The following UNC79 variants were observed in gnomAD, a reference collection of about 807,000 sequenced individuals.
UNC79 encodes protein unc-79 homolog.
In UNC79, 37 loss-of-function variants were observed where a neutral mutation model predicts 283.1. The observed-to-expected ratio is 0.13, with a 90% confidence interval of 0.10 to 0.17. The LOEUF (loss-of-function observed/expected upper bound fraction) is 0.17. Among genes scored for constraint, UNC79 ranks in the 10% least tolerant of loss-of-function variants. The pLI, the probability that UNC79 is intolerant of heterozygous loss-of-function variation, is 1.00. For synonymous variants in UNC79, 1,107 were observed against 1,200.2 expected, an observed-to-expected ratio of 0.92 and a Z score of 1.61; for missense variants, 2,272 against 3,211.1, an observed-to-expected ratio of 0.71 and a Z score of 7.07.
chr14:93,604,775 T>C (rs973039484), intron 26 of UNC79, 121 bp from the exon 27 acceptor site: 24 of 1,040,574 alleles, frequency 2.3e-5, no homozygotes, highest in African/African-American at 3.2e-5. Context: ...TTATGTGATG[T>C]TAATTCAAAT....
At chr14:93,547,535 C>T (rs981184596) in intron 14 of UNC79, among the ~76,000 whole-genome samples, 2 of 152,138 alleles carry the variant, frequency 1.3e-5, no homozygotes, top group Non-Finnish European at 2.9e-5. Flanking sequence ...CACTGTGAAA[C>T]AATTCTTAGT....
exon 19 of UNC79, chr14:93,580,238 C>A (rs1475270422): frequency 1.9e-6 from 3 of 1,614,036 alleles, no homozygotes; most frequent in Non-Finnish European, 1.7e-6. Context: ...TCTTCCAAGC[C>A]CCCTGGGGGG....
intron 1 of UNC79, among the ~76,000 whole-genome samples, chr14:93,460,861 C>A (rs796648257): frequency 3.3e-5 from 5 of 151,866 alleles, no homozygotes; most frequent in Admixed American, 3.3e-4. Flanking sequence ...TCTGTCTCTA[C>A]AAAAAATAAA....
intron 1 of UNC79, among the ~76,000 whole-genome samples, chr14:93,443,424 C>CT (rs144182882): frequency 0.68 from 94,418 of 138,642 alleles, 32,542 homozygotes; most frequent in Middle Eastern, 0.77. Context: ...TGTCTGACTT[C>CT]TTTTTTTTTT....
chr14:93,486,553 C>T (rs1255819814), intron 4 of UNC79, among the ~76,000 whole-genome samples: 1 of 151,162 alleles, frequency 6.6e-6, no homozygotes, highest in African/African-American at 2.4e-5. Context: ...ACTCGGGAGG[C>T]CGAGGCAGGA....
At chr14:93,366,866 C>T (rs1439509865) in intron 1 of UNC79, among the ~76,000 whole-genome samples, 1 of 152,142 alleles carries the variant, frequency 6.6e-6, no homozygotes, top group East Asian at 1.9e-4. Context: ...AGCCACCGTG[C>T]CCAGCCTTTC....
chr14:93,666,475 T>G (rs2072215746), intron 40 of UNC79, among the ~76,000 whole-genome samples: 1 of 152,064 alleles, frequency 6.6e-6, no homozygotes. Context: ...AAAGCTGAAG[T>G]TAGTCAACTG....
At chr14:93,409,666 T>C in intron 1 of UNC79, among the ~76,000 whole-genome samples, 1 of 152,104 alleles carries the variant, frequency 6.6e-6, no homozygotes, top group East Asian at 1.9e-4. Context: ...ACAGCCTGGG[T>C]GACAGAGCAA....
At chr14:93,578,861 A>C (rs1021647777) in intron 18 of UNC79, among the ~76,000 whole-genome samples, 2 of 152,238 alleles carry the variant, frequency 1.3e-5, no homozygotes, top group Non-Finnish European at 2.9e-5. Context: ...GGCTTTGATT[A>C]AGGAACAATC....
intron 1 of UNC79, among the ~76,000 whole-genome samples, chr14:93,440,543 A>T (rs8009085): frequency 0.13 from 17,158 of 135,580 alleles, 1,173 homozygotes; most frequent in African/African-American, 0.21. Flanking sequence ...TTTTTTTTTT[A>T]AATTTTTATT....
intron 31 of UNC79, among the ~76,000 whole-genome samples, chr14:93,632,697 A>G (rs1330715698): frequency 2.0e-5 from 3 of 152,170 alleles, no homozygotes; most frequent in Admixed American, 2.0e-4. Flanking sequence ...CAAAAAAAAA[A>G]AAATGAAGAA....
chr14:93,580,150 T>C lies in UNC79; in HGVS notation c.2435T>C (p.Met812Thr), dbSNP rs370610878. ...TGTCCTTTTTTTGATGTCTTTCAGA[T>C]GGAGTTACAAGATGATGGAATCACG... Residue 812 changes from methionine (M) to threonine (T), a missense_variant and splice_region_variant, in exon 19 of 49, where the codon ATG becomes ACG. Coordinates refer to ENST00000555664, the Ensembl canonical transcript of UNC79. 5 of 1,609,732 alleles carry C rather than the reference T, an allele frequency of 3.1e-6. No homozygotes were observed. The African/African-American group carries it at 6.7e-5, about 22-fold the overall frequency.
At chr14:93,660,563 A>ATATGTGTGTG (rs1203621990) in intron 39 of UNC79, among the ~76,000 whole-genome samples, 141 of 64,706 alleles carry the variant, frequency 2.2e-3, no homozygotes, top group Non-Finnish European at 3.1e-3. Flanking sequence ...ATATATATAT[A>ATATGTGTGTG]TGTGTGTGTG....
intron 35 of UNC79, among the ~76,000 whole-genome samples, chr14:93,651,666 T>A (rs2070277923): frequency 6.6e-6 from 1 of 151,880 alleles, no homozygotes; most frequent in African/African-American, 2.4e-5. Flanking sequence ...TCTTTAGGAT[T>A]TGATTTTGTA....
chr14:93,506,550 C>G (rs1466520384), intron 7 of UNC79, among the ~76,000 whole-genome samples: 1 of 152,064 alleles, frequency 6.6e-6, no homozygotes, highest in Non-Finnish European at 1.5e-5. Context: ...AATTATTACT[C>G]TTTTGAAGAT....
At chr14:93,414,713 G>C (rs990387681) in intron 1 of UNC79, among the ~76,000 whole-genome samples, 1 of 152,140 alleles carries the variant, frequency 6.6e-6, no homozygotes, top group African/African-American at 2.4e-5. Context: ...TTGAGCAGTG[G>C]TTTGTAGTTC....
chr14:93,456,524 C>T (rs1400381574), intron 1 of UNC79, among the ~76,000 whole-genome samples: 1 of 152,120 alleles, frequency 6.6e-6, no homozygotes, highest in Non-Finnish European at 1.5e-5. Context: ...GGAAGGGAAT[C>T]TGACTCATTC....
intron 1 of UNC79, among the ~76,000 whole-genome samples, chr14:93,438,259 A>G (rs917752511): frequency 6.6e-6 from 1 of 152,164 alleles, no homozygotes; most frequent in Non-Finnish European, 1.5e-5. Flanking sequence ...ATACAAATCT[A>G]TCCTGTCATG....
intron 1 of UNC79, among the ~76,000 whole-genome samples, chr14:93,345,537 G>A (rs11622023): frequency 0.074 from 11,217 of 152,156 alleles, 876 homozygotes; most frequent in African/African-American, 0.19. Context: ...ACAGGTGACT[G>A]TAAAAGCAAA....
Sources: gnomAD v4.1 joint callset for allele counts (sites outside exome capture counted in the v4.1 genomes callset) on GRCh38, gnomAD v4.1.1 for gene constraint, MANE v1.5 for transcripts, NCBI Gene and HGNC (gene_info 2026-07-23, HGNC 2026-07-21) for gene names.